MYO5B: variants seen among roughly 807,000 people sequenced by gnomAD.
MYO5B encodes unconventional myosin-Vb.
A neutral mutation model predicts 229.3 loss-of-function variants in MYO5B; 143 were observed. The ratio of observed to expected loss-of-function variants is 0.62; its 90% CI spans 0.54 to 0.72. The LOEUF is 0.72. Among genes scored for constraint, MYO5B ranks in the 30% least tolerant of loss-of-function variants. The pLI is 0.00. For synonymous variants in MYO5B, 918 were observed against 885.2 expected (o/e 1.04, Z -0.66); for missense variants, 2,321 against 2,331.0 (o/e 1.00, Z 0.09).
chr18:50,166,386 C>T (rs2032852247), intron 1 of MYO5B, among the ~76,000 whole-genome samples: 1 of 152,152 alleles, frequency 6.6e-6, no homozygotes, highest in Admixed American at 6.5e-5. Context: ...AGTTAAACCT[C>T]AGAAAAGATA....
chr18:50,067,704 T>C (rs553320583), intron 1 of MYO5B, among the ~76,000 whole-genome samples: 3 of 152,334 alleles, frequency 2.0e-5, no homozygotes, highest in East Asian at 1.9e-4. Flanking sequence ...TCTCCACAAA[T>C]GCTGGCTCCC....
At position 49,902,767 on chromosome 18, in the gene MYO5B, A is replaced by T. The variant is rs752104176; in HGVS notation, c.2638T>A (p.Phe880Ile). The T allele has an allele frequency of 6.2e-7, 1 of 1,605,798 alleles. No individual in the cohort carries two copies. The highest frequency in any genetic ancestry group is 1.1e-5 in the South Asian group (1 of 91,086). The part of the protein sequence containing the change: ...HVRGWMARRH[F>I]QRLRDAAIVI... The stretch of plus-strand genomic sequence containing the variant: ...ATGGCTGCATCCCGCAGCCGCTGGA[A>T]GTGCCTGCGTGCCATCCAGCCCCGC... Residue 880 changes from phenylalanine to isoleucine, a missense_variant, in exon 21 of 40, where the codon TTC becomes ATC. This residue lies in a region of MYO5B where 2,113 missense variants were observed against 2,044.7 expected (regional missense o/e 1.03). Coordinates refer to ENST00000285039, the MANE Select transcript of MYO5B (RefSeq NM_001080467.3).
Position 49,863,312 on chromosome 18 carries a change from C to A in MYO5B, c.3859G>T (p.Ala1287Ser), listed in dbSNP as rs1193750220. Residue 1287 changes from alanine (A) to serine (S), a missense_variant, in exon 29 of 40, where the codon GCC becomes TCC. Physicochemically the swap from Ala to Ser is moderately conservative, Grantham distance 99 (BLOSUM62 1). Transcript: ENST00000285039. ...TCACTGTTAGGCCAACTTGATCTGG[C>A]ATTAATGTTCGGCTCCTAGAAAGCC... is the stretch of plus-strand genomic sequence containing the variant. ...AGRNAEPNIN[A>S]RSSWPNSEKH... The A allele has an allele frequency of 6.2e-7, 1 of 1,613,638 alleles. No homozygotes were observed. Among genetic ancestry groups the A allele is most frequent in the Non-Finnish European group, 8.5e-7 (1 of 1,180,000 alleles).
chr18:50,047,576 C>A (rs1272494537), intron 2 of MYO5B, among the ~76,000 whole-genome samples: 1 of 152,168 alleles, frequency 6.6e-6, no homozygotes, highest in South Asian at 2.1e-4. Context: ...TTGATACAGC[C>A]ATCCCATTAC....
At chr18:50,164,421 A>G (rs912929065) in intron 1 of MYO5B, among the ~76,000 whole-genome samples, 2 of 152,226 alleles carry the variant, frequency 1.3e-5, no homozygotes, top group South Asian at 2.1e-4. Context: ...AGAAAGACAC[A>G]CACCAACACA....
At chr18:50,007,036 T>G (rs1464879257) in intron 4 of MYO5B, among the ~76,000 whole-genome samples, 4 of 152,150 alleles carry the variant, frequency 2.6e-5, no homozygotes, top group Non-Finnish European at 4.4e-5. Flanking sequence ...CTGTGACCAG[T>G]GAGGCCAAGT....
At position 49,922,350 on chromosome 18, in the gene MYO5B, G is replaced by A. The variant is rs147285192; in HGVS notation, c.2090+7162C>T. On this transcript the variant is annotated intron_variant, in intron 17 of 39. Coordinates refer to ENST00000285039, the MANE Select transcript of MYO5B (RefSeq NM_001080467.3). ...CAAATGGTTACCATGGTTGGCAGAT[G>A]GAAAAGATTAAGCAATGGTGCTGAG... Among the ~76,000 whole-genome samples, 71 of 152,264 alleles carry A rather than the reference G, an allele frequency of 4.7e-4. No individual in the cohort carries two copies. The East Asian group carries it at 7.5e-3, about 16-fold the overall frequency.
intron 9 of MYO5B, among the ~76,000 whole-genome samples, chr18:49,975,802 G>C (rs908597824): frequency 3.9e-5 from 6 of 152,082 alleles, no homozygotes; most frequent in African/African-American, 1.4e-4. Context: ...CCAGCACAAG[G>C]CTTCTACCAC....
intron 1 of MYO5B, among the ~76,000 whole-genome samples, chr18:50,118,123 C>T (rs2031995972): frequency 1.3e-5 from 2 of 152,154 alleles, no homozygotes; most frequent in Non-Finnish European, 2.9e-5. Context: ...ATGATTGCAA[C>T]TCAGTAGGAT....
At chr18:49,828,352 G>A (rs1179928523) in intron 39 of MYO5B, among the ~76,000 whole-genome samples, 1 of 152,094 alleles carries the variant, frequency 6.6e-6, no homozygotes, top group Admixed American at 6.5e-5. Context: ...AGACAAAGAA[G>A]GACATTATAT....
intron 4 of MYO5B, among the ~76,000 whole-genome samples, chr18:50,024,977 T>A (rs7229010): frequency 0.96 from 145,967 of 152,212 alleles, 70,293 homozygotes; most frequent in East Asian, 1. Flanking sequence ...AGTGGGAAAA[T>A]GAAAATAAAC....
chr18:50,127,810 T>TAA (rs891372310), intron 1 of MYO5B, among the ~76,000 whole-genome samples: 68 of 152,186 alleles, frequency 4.5e-4, no homozygotes, highest in African/African-American at 1.6e-3. Context: ...GTCGACTGAG[T>TAA]AAAGCAGGTT....
intron 4 of MYO5B, among the ~76,000 whole-genome samples, chr18:50,022,429 C>G (rs189821164): frequency 6.6e-5 from 10 of 152,298 alleles, no homozygotes; most frequent in Non-Finnish European, 1.0e-4. Context: ...ACACTTTTCT[C>G]TTCCACATTT....
At position 49,912,110 on chromosome 18, in the gene MYO5B, G is replaced by A; in HGVS notation, c.2154C>T (p.Asn718=). 1.9e-6 allele frequency: 3 copies of A among 1,614,154 alleles called. No homozygotes were observed. Among genetic ancestry groups the A allele is most frequent in the Non-Finnish European group, 2.5e-6 (3 of 1,180,026 alleles). The change falls in exon 18 of 40, where the codon AAC becomes AAT. Residue 718 remains asparagine, a synonymous_variant. Coordinates refer to ENST00000285039, the MANE Select transcript of MYO5B (RefSeq NM_001080467.3). ...RVLVKKRELA[N]TDKKAICRSV... ...ACCTGCAGATGGCCTTTTTGTCTGT[G>A]TTGGCGAGCTCTCTCTTCTTGACCA... is the stretch of plus-strand genomic sequence containing the variant.
chr18:50,014,964 A>C (rs1225304459), intron 4 of MYO5B, among the ~76,000 whole-genome samples: 1 of 152,226 alleles, frequency 6.6e-6, no homozygotes, highest in Admixed American at 6.5e-5. Context: ...AGACTCAACA[A>C]TCTGAGGGCT....
At chr18:50,014,278 GAAA>G (rs374397757) in intron 4 of MYO5B, among the ~76,000 whole-genome samples, 7 of 55,564 alleles carry the variant, frequency 1.3e-4, no homozygotes, top group African/African-American at 3.0e-4. Flanking sequence ...GATGAGAAAG[GAAA>G]AAAAAAAAAA....
chr18:50,003,090 G>A (rs1362633108), intron 4 of MYO5B, among the ~76,000 whole-genome samples: 1 of 152,134 alleles, frequency 6.6e-6, no homozygotes, highest in Non-Finnish European at 1.5e-5. Flanking sequence ...GCAGGCTGGA[G>A]GTGGGAGCCG....
At chr18:49,915,154 T>G (rs1191037516) in intron 17 of MYO5B, among the ~76,000 whole-genome samples, 1 of 152,106 alleles carries the variant, frequency 6.6e-6, no homozygotes, top group Non-Finnish European at 1.5e-5. Context: ...TTTTCCTCTA[T>G]GTAAAATGGC....
intron 29 of MYO5B, among the ~76,000 whole-genome samples, chr18:49,860,379 T>C (rs2024314600): frequency 6.6e-6 from 1 of 152,164 alleles, no homozygotes; most frequent in African/African-American, 2.4e-5. Flanking sequence ...ACCCAGCTCA[T>C]GTTCACAGCC....
Sources: gnomAD v4.1 joint callset for allele counts (sites outside exome capture counted in the v4.1 genomes callset) on GRCh38, gnomAD v4.1.1 for gene constraint, gnomAD v4.1.1 regional missense constraint, MANE v1.5 for transcripts, NCBI Gene and HGNC (gene_info 2026-07-23, HGNC 2026-07-21) for gene names.